The following FAM185A variants were observed in gnomAD, a reference collection of about 807,000 sequenced individuals.
FAM185A encodes the protein protein FAM185A.
In FAM185A, 21 loss-of-function variants were observed where a neutral mutation model predicts 45.7. The ratio of observed to expected loss-of-function variants is 0.46; its 90% CI spans 0.33 to 0.66. FAM185A has a LOEUF of 0.66. FAM185A is among the 30% of genes least tolerant of loss of function. The probability of loss-of-function intolerance (pLI) is 0.03; values close to 1 mark genes in which losing one functional copy is unlikely to be tolerated. For synonymous variants in FAM185A, 117 were observed against 194.0 expected, an observed-to-expected ratio of 0.60 and a Z score of 3.30; for missense variants, 305 against 485.4, an observed-to-expected ratio of 0.63 and a Z score of 3.49.
intron 6 of FAM185A, among the ~76,000 whole-genome samples, chr7:102,780,259 G>A (rs1584320002): frequency 6.6e-6 from 1 of 151,964 alleles, no homozygotes; most frequent in East Asian, 1.9e-4. Context: ...AATGCATTAT[G>A]GCAGGGGCCT....
rs1306257164 is a variant in FAM185A, at chr7:102,749,506, G to A, written c.299G>A (p.Arg100His). 1.6e-5 allele frequency: 25 copies of A among 1,525,702 alleles called. No homozygotes were observed. The highest frequency in any genetic ancestry group is 4.2e-5 in the Admixed American group (2 of 48,022). The allele number at this position is 1,525,702 out of a possible 1,614,324, so 94.5% of individuals were successfully genotyped here. Reference sequence around the variant, plus strand: ...CCCCTCACCTACCCGGATGGCGACCGCGTGCTGGTCGCGGTGTGCGGCGTG... The same window carrying A: ...CCCCTCACCTACCCGGATGGCGACCACGTGCTGGTCGCGGTGTGCGGCGTG... ...LDPLTYPDGDRVLVAVCGVEG... is the reference protein window; with the variant it reads ...LDPLTYPDGDHVLVAVCGVEG... Residue 100 changes from arginine to histidine, a missense_variant, in exon 1 of 8, where the codon CGC becomes CAC. By Grantham distance (29) the Arg-to-His change is conservative (BLOSUM62 0). Transcript: ENST00000413034.
At chr7:102,780,340 C>A (rs1392043809) in intron 6 of FAM185A, among the ~76,000 whole-genome samples, 3 of 152,048 alleles carry the variant, frequency 2.0e-5, no homozygotes, top group Admixed American at 6.5e-5. Context: ...TGAATTTACA[C>A]TGCAACCCAC....
intron 2 of FAM185A, among the ~76,000 whole-genome samples, chr7:102,753,188 ATTC>A (rs1181175609): frequency 2.0e-5 from 3 of 152,072 alleles, no homozygotes; most frequent in Non-Finnish European, 4.4e-5. Context: ...GGATATCATA[ATTC>A]TTTTTTGTCC....
At chr7:102,768,472 G>C (rs1794545869) in intron 4 of FAM185A, among the ~76,000 whole-genome samples, 1 of 108,814 alleles carries the variant, frequency 9.2e-6, no homozygotes, top group Non-Finnish European at 1.9e-5. Flanking sequence ...CAAAGATTAT[G>C]TTTTATTCAT....
At chr7:102,843,951 G>A in the FAM185A span, among the ~76,000 whole-genome samples, 1 of 152,126 alleles carries the variant, frequency 6.6e-6, no homozygotes, top group Admixed American at 6.5e-5. Context: ...GTGATCATCA[G>A]ACAACAGGGT....
chr7:102,850,230 G>A, the FAM185A span, among the ~76,000 whole-genome samples: 1 of 151,962 alleles, frequency 6.6e-6, no homozygotes, highest in Non-Finnish European at 1.5e-5. Context: ...TCCAAAGAGT[G>A]AAAAGAAAAA....
the FAM185A span, among the ~76,000 whole-genome samples, chr7:102,818,560 G>A: frequency 6.6e-6 from 1 of 152,142 alleles, no homozygotes; most frequent in Non-Finnish European, 1.5e-5. Context: ...GGAGAACTCT[G>A]ATAAGAGTTT....
chr7:102,840,303 G>A, the FAM185A span, among the ~76,000 whole-genome samples: 1 of 152,194 alleles, frequency 6.6e-6, no homozygotes, highest in African/African-American at 2.4e-5. Context: ...AACCAGGATT[G>A]AATTACCCAA....
At chr7:102,795,841 T>C (rs1178955239) in intron 7 of FAM185A, among the ~76,000 whole-genome samples, 1 of 152,012 alleles carries the variant, frequency 6.6e-6, no homozygotes, top group African/African-American at 2.4e-5. Flanking sequence ...GCTTAAACTA[T>C]TTCCAAGTAA....
the FAM185A span, among the ~76,000 whole-genome samples, chr7:102,848,553 C>G: frequency 2.8e-4 from 1 of 3,512 alleles, no homozygotes; most frequent in Non-Finnish European, 4.2e-4. Flanking sequence ...GAGACTCCGT[C>G]TCAAAAAAAA....
chr7:102,799,501 T>C (rs1281916883), intron 7 of FAM185A, among the ~76,000 whole-genome samples: 1 of 152,248 alleles, frequency 6.6e-6, no homozygotes, highest in African/African-American at 2.4e-5. Context: ...CAGCTGAGGA[T>C]ATCATGGTAC....
chr7:102,836,651 C>T, the FAM185A span, among the ~76,000 whole-genome samples: 14 of 152,358 alleles, frequency 9.2e-5, no homozygotes, highest in African/African-American at 3.4e-4. Flanking sequence ...TGTTGGCAAT[C>T]TGGAAGAAAA....
chr7:102,848,736 A>G, the FAM185A span, among the ~76,000 whole-genome samples: 6 of 151,966 alleles, frequency 3.9e-5, no homozygotes, highest in African/African-American at 1.4e-4. Context: ...CCTCACACCC[A>G]TAATTCCAGC....
At chr7:102,797,965 G>A (rs1397607118) in intron 7 of FAM185A, among the ~76,000 whole-genome samples, 1 of 152,176 alleles carries the variant, frequency 6.6e-6, no homozygotes, top group Non-Finnish European at 1.5e-5. Flanking sequence ...GTTACTTCCT[G>A]GAGCCCTGTC....
chr7:102,806,788 T>C (rs1797140608), intron 7 of FAM185A, among the ~76,000 whole-genome samples: 1 of 152,142 alleles, frequency 6.6e-6, no homozygotes, highest in African/African-American at 2.4e-5. Context: ...CCTATGACCT[T>C]GAAAGAGTTT....
At position 102,808,264 on chromosome 7, in the gene FAM185A, T is replaced by A. The variant is rs1323330232; in HGVS notation, c.1067-26T>A. 5 of 1,445,410 alleles carry A rather than the reference T, an allele frequency of 3.5e-6. No individual in the cohort carries two copies. In the African/African-American group the frequency reaches 7.1e-5, roughly 20 times the overall value. 89.5% of individuals were successfully genotyped at this position (1,445,410 alleles called of 1,614,324 possible). On this transcript the variant is annotated intron_variant, in intron 7 of 7. Transcript: ENST00000413034. ...ATGTGGTCAATTAATGCTCTTGATATAATTTTATGCAATTTTGTGTTTTAG... is the reference window on the plus strand; with the variant it reads ...ATGTGGTCAATTAATGCTCTTGATAAAATTTTATGCAATTTTGTGTTTTAG...
At chr7:102,774,628 C>A (rs549782503) in intron 5 of FAM185A, among the ~76,000 whole-genome samples, 2 of 152,200 alleles carry the variant, frequency 1.3e-5, no homozygotes, top group Admixed American at 6.5e-5. Context: ...AAAAGTTTCT[C>A]TTTTTTTACT....
the FAM185A span, among the ~76,000 whole-genome samples, chr7:102,834,089 A>AGGAAGGAAGGAAGG: frequency 4.4e-5 from 3 of 68,516 alleles, no homozygotes; most frequent in African/African-American, 1.9e-4. Flanking sequence ...AGGAAAGAAA[A>AGGAAGGAAGGAAGG]GAAAGAAAGA....
chr7:102,822,187 A>G, the FAM185A span: 1 of 1,614,150 alleles, frequency 6.2e-7, no homozygotes, highest in Non-Finnish European at 8.5e-7. Context: ...TAACATCTCC[A>G]TTGCTGAGTC....
Sources: gnomAD v4.1 joint callset for allele counts (sites outside exome capture counted in the v4.1 genomes callset) on GRCh38, gnomAD v4.1.1 for gene constraint, MANE v1.5 for transcripts, NCBI Gene and HGNC (gene_info 2026-07-23, HGNC 2026-07-21) for gene names.